GRM7: variants seen among roughly 807,000 people sequenced by gnomAD.
The protein encoded by GRM7 is metabotropic glutamate receptor 7.
Under a neutral mutation model 84.5 loss-of-function variants are expected in GRM7, and 35 were observed. The ratio of observed to expected loss-of-function variants is 0.41; its 90% CI spans 0.32 to 0.55. The LOEUF is 0.55. Among genes scored for constraint, GRM7 ranks in the 20% least tolerant of loss-of-function variants. The pLI is 0.19. For missense variants in GRM7, 1,003 were observed against 1,194.6 expected (o/e 0.84, Z 2.36); for synonymous variants, 487 against 455.1 (o/e 1.07, Z -0.89).
intron 5 of GRM7, 46 bp downstream of exon 5, chr3:7,415,209 G>C (rs764509989): frequency 6.6e-7 from 1 of 1,521,694 alleles, no homozygotes; most frequent in Non-Finnish European, 9.1e-7. Flanking sequence ...TACGTGGCTA[G>C]CACTGACATG....
At position 6,861,532 on chromosome 3, in the gene GRM7, C is replaced by G; in HGVS notation, c.144C>G (p.Asp48Glu). The G allele has an allele frequency of 6.3e-7, 1 of 1,579,862 alleles. No individual in the cohort carries two copies. The highest frequency in any genetic ancestry group is 8.6e-7 in the Non-Finnish European group (1 of 1,163,608). Residue 48 changes from aspartate to glutamate, a missense_variant, in exon 1 of 10, where the codon GAC becomes GAG. This residue lies in a region of GRM7 where 93 missense variants were observed against 68.6 expected (regional missense o/e 1.36). Coordinates refer to ENST00000357716, the MANE Select transcript of GRM7 (RefSeq NM_000844.4). The surrounding 1 kb of genome is among the most constrained non-coding windows in gnomAD (Gnocchi z 6.4). ...CGCACTCAATCCGGATCGAGGGGGACGTCACCCTCGGGGGGCTGTTCCCCG... is the reference window on the plus strand; with the variant it reads ...CGCACTCAATCCGGATCGAGGGGGAGGTCACCCTCGGGGGGCTGTTCCCCG... ...YAPHSIRIEG[D>E]VTLGGLFPVH...
intron 1 of GRM7, among the ~76,000 whole-genome samples, chr3:7,065,307 A>G (rs1697616373): frequency 6.6e-6 from 1 of 151,820 alleles, no homozygotes; most frequent in Non-Finnish European, 1.5e-5. Flanking sequence ...ATCTTCCAGA[A>G]TTTTTATAGT....
At chr3:7,351,229 G>A (rs1693125778) in intron 4 of GRM7, among the ~76,000 whole-genome samples, 1 of 149,354 alleles carries the variant, frequency 6.7e-6, no homozygotes, top group East Asian at 2.0e-4. Flanking sequence ...TGGAAGACAT[G>A]CATCTTGTGT....
At chr3:6,889,989 A>G (rs1003643540) in intron 1 of GRM7, among the ~76,000 whole-genome samples, 3 of 152,034 alleles carry the variant, frequency 2.0e-5, no homozygotes, top group African/African-American at 7.3e-5. Context: ...GAATTTATCC[A>G]TTTCTTCTAG....
intron 1 of GRM7, among the ~76,000 whole-genome samples, chr3:7,018,986 A>G (rs942523688): frequency 6.6e-6 from 1 of 152,312 alleles, no homozygotes; most frequent in Non-Finnish European, 1.5e-5. Context: ...AATCCCAGCT[A>G]CTTGGTAGGA....
At chr3:7,415,668 A>AT (rs1311935304) in intron 5 of GRM7, among the ~76,000 whole-genome samples, 3 of 152,138 alleles carry the variant, frequency 2.0e-5, no homozygotes, top group Admixed American at 2.0e-4. Context: ...TAAATGAAAA[A>AT]TATCTGTGAA....
chr3:6,888,947 A>G (rs1695818361), intron 1 of GRM7, among the ~76,000 whole-genome samples: 1 of 152,066 alleles, frequency 6.6e-6, no homozygotes, highest in South Asian at 2.1e-4. Flanking sequence ...GGTCCTTCAC[A>G]TCCCTTGTAA....
intron 8 of GRM7, among the ~76,000 whole-genome samples, chr3:7,662,376 G>A (rs991343383): frequency 6.6e-6 from 1 of 151,944 alleles, no homozygotes; most frequent in Non-Finnish European, 1.5e-5. Context: ...AATATGCACA[G>A]TTTATTGAGC....
intron 2 of GRM7, among the ~76,000 whole-genome samples, chr3:7,169,415 A>T (rs1482599677): frequency 6.6e-6 from 1 of 152,136 alleles, no homozygotes; most frequent in Non-Finnish European, 1.5e-5. Context: ...GTGACACTCT[A>T]ATCTTCAATT....
chr3:6,886,615 T>C (rs887782382), intron 1 of GRM7, among the ~76,000 whole-genome samples: 2 of 151,868 alleles, frequency 1.3e-5, no homozygotes, highest in African/African-American at 2.4e-5. Flanking sequence ...TTCCTCATGA[T>C]TTTTTTTCTG....
intron 3 of GRM7, among the ~76,000 whole-genome samples, chr3:7,303,122 A>G (rs998242269): frequency 1.3e-5 from 2 of 151,844 alleles, no homozygotes; most frequent in African/African-American, 2.4e-5. Flanking sequence ...TTGTATTTTT[A>G]GTAGAGACGG....
chr3:7,412,473 C>T (rs1007634178), intron 4 of GRM7, among the ~76,000 whole-genome samples: 9 of 152,176 alleles, frequency 5.9e-5, no homozygotes, highest in Non-Finnish European at 1.2e-4. Context: ...CTGGAAAGGT[C>T]ACTTCCCAAA....
chr3:7,099,806 A>G (rs951621361), intron 1 of GRM7, among the ~76,000 whole-genome samples: 2 of 115,864 alleles, frequency 1.7e-5, no homozygotes, highest in East Asian at 4.7e-4. Flanking sequence ...GTATATGTAC[A>G]CGCATTATAC....
chr3:7,436,475 G>T (rs539410693), intron 5 of GRM7, among the ~76,000 whole-genome samples: 2 of 137,878 alleles, frequency 1.5e-5, no homozygotes, highest in East Asian at 4.9e-4. Context: ...AAAACATGTC[G>T]TGGGCCATAC....
intron 8 of GRM7, among the ~76,000 whole-genome samples, chr3:7,643,597 C>G (rs1428602267): frequency 6.6e-6 from 1 of 152,178 alleles, no homozygotes; most frequent in Non-Finnish European, 1.5e-5. Flanking sequence ...GTTAGGGACT[C>G]TATCTTAAAT....
intron 5 of GRM7, among the ~76,000 whole-genome samples, chr3:7,441,813 C>T (rs1697300777): frequency 6.6e-6 from 1 of 151,994 alleles, no homozygotes; most frequent in Admixed American, 6.6e-5. Context: ...TTTTTGGGCT[C>T]TCTAAGCTAT....
rs563075650 is a variant in GRM7 at position 7,008,245 on chromosome 3, G to A, written c.520-138207G>A. On this transcript the variant is annotated intron_variant, in intron 1 of 9. Coordinates refer to ENST00000357716, the MANE Select transcript of GRM7 (RefSeq NM_000844.4). ...GAAGGAGTTATAGGGCTAATTGGCT[G>A]TGCAGCATTTATGCAGCATCCTGGT... Among the ~76,000 whole-genome samples the A allele has an allele frequency of 1.3e-4, 20 of 152,236 alleles. No individual in the cohort carries two copies. The South Asian group carries it at 4.2e-3, about 32-fold the overall frequency.
chr3:7,411,155 G>T (rs1695920118), intron 4 of GRM7, among the ~76,000 whole-genome samples: 1 of 152,086 alleles, frequency 6.6e-6, no homozygotes, highest in Non-Finnish European at 1.5e-5. Context: ...CAGCCCTCAC[G>T]AATAATCCAG....
intron 4 of GRM7, among the ~76,000 whole-genome samples, chr3:7,372,953 T>C (rs1168764317): frequency 6.6e-6 from 1 of 152,156 alleles, no homozygotes; most frequent in Non-Finnish European, 1.5e-5. Context: ...AGAAACCTCA[T>C]GTAATATACC....
Sources: allele counts gnomAD v4.1 joint callset (sites outside exome capture counted in the v4.1 genomes callset), GRCh38; gene constraint gnomAD v4.1.1; regional missense constraint gnomAD v4.1.1; non-coding constraint Gnocchi (gnomAD v3.1); transcripts MANE v1.5; gene names NCBI Gene and HGNC (gene_info 2026-07-23, HGNC 2026-07-21).